The following CSMD1 variants were observed in gnomAD, a reference collection of about 807,000 sequenced individuals.
CSMD1 encodes the protein CUB and Sushi multiple domains 1.
A neutral mutation model predicts 417.5 loss-of-function variants in CSMD1; 213 were observed. The ratio of observed to expected loss-of-function variants is 0.51; its 90% CI spans 0.46 to 0.57. The LOEUF (loss-of-function observed/expected upper bound fraction) is 0.57, where lower values mean the gene tolerates loss of function less well. Ranked by LOEUF, CSMD1 falls within the 20% of genes least tolerant of loss-of-function variation. The pLI is 0.00. For synonymous variants in CSMD1, 2,862 were observed against 1,736.8 expected, an observed-to-expected ratio of 1.65 and a Z score of -16.11; for missense variants, 6,923 against 4,529.7, an observed-to-expected ratio of 1.53 and a Z score of -15.17.
At chr8:3,774,018 G>A (rs1994049) in intron 5 of CSMD1, among the ~76,000 whole-genome samples, 5 of 151,918 alleles carry the variant, frequency 3.3e-5, no homozygotes, top group Non-Finnish European at 7.4e-5. Context: ...CAGTTGCTGC[G>A]CTATCCTACC....
At chr8:3,451,300 A>T (rs1182220056) in intron 12 of CSMD1, among the ~76,000 whole-genome samples, 1 of 152,210 alleles carries the variant, frequency 6.6e-6, no homozygotes, top group Non-Finnish European at 1.5e-5. Context: ...CTTTTGCTGC[A>T]CAGAAGCTCT....
At chr8:3,187,505 C>T (rs542812823) in intron 36 of CSMD1, among the ~76,000 whole-genome samples, 4 of 152,150 alleles carry the variant, frequency 2.6e-5, no homozygotes, top group African/African-American at 9.6e-5. Flanking sequence ...TGTAATTTTC[C>T]CAGATTGCTT....
chr8:3,892,180 C>T (rs987774076), intron 5 of CSMD1, among the ~76,000 whole-genome samples: 22 of 152,136 alleles, frequency 1.4e-4, no homozygotes, highest in African/African-American at 5.1e-4. Flanking sequence ...GGCATTTAGC[C>T]TGCTTCCAAT....
chr8:4,235,273 A>C (rs550159666), intron 3 of CSMD1, among the ~76,000 whole-genome samples: 1 of 152,218 alleles, frequency 6.6e-6, no homozygotes, highest in African/African-American at 2.4e-5. Context: ...GCTACATCAT[A>C]AAACTCACAT....
At chr8:3,546,237 C>T (rs1411303537) in intron 10 of CSMD1, among the ~76,000 whole-genome samples, 1 of 151,458 alleles carries the variant, frequency 6.6e-6, no homozygotes, top group African/African-American at 2.4e-5. Flanking sequence ...ATAGTGCCCT[C>T]AATGGCTGGC....
At chr8:4,723,614 T>C (rs867185443) in intron 1 of CSMD1, among the ~76,000 whole-genome samples, 11 of 151,950 alleles carry the variant, frequency 7.2e-5, no homozygotes, top group African/African-American at 2.7e-4. Flanking sequence ...AAAAAGCAAA[T>C]AATAATTAGC....
intron 1 of CSMD1, among the ~76,000 whole-genome samples, chr8:4,759,816 T>C (rs1449170408): frequency 6.6e-6 from 1 of 152,246 alleles, no homozygotes; most frequent in Non-Finnish European, 1.5e-5. Context: ...GTGTCACTGA[T>C]GGACATTTGG....
At chr8:4,160,845 T>G (rs1248121979) in intron 3 of CSMD1, among the ~76,000 whole-genome samples, 2 of 152,250 alleles carry the variant, frequency 1.3e-5, no homozygotes, top group Non-Finnish European at 2.9e-5. Context: ...ACTTGAAGTT[T>G]CTAATATTTC....
At chr8:3,854,217 A>C (rs1384631928) in intron 5 of CSMD1, among the ~76,000 whole-genome samples, 2 of 150,180 alleles carry the variant, frequency 1.3e-5, no homozygotes, top group East Asian at 1.9e-4. Context: ...GGAACACTTA[A>C]AACATGTGAA....
intron 26 of CSMD1, among the ~76,000 whole-genome samples, chr8:3,261,317 C>G (rs947082231): frequency 6.6e-6 from 1 of 151,998 alleles, no homozygotes; most frequent in African/African-American, 2.4e-5. Flanking sequence ...CAGTTAAAAG[C>G]AAAACATTCA....
chr8:3,817,676 T>C (rs150543114), intron 5 of CSMD1, among the ~76,000 whole-genome samples: 2 of 152,252 alleles, frequency 1.3e-5, no homozygotes, highest in Admixed American at 6.5e-5. Context: ...TCTTCTTTAA[T>C]GGAACTTTCC....
At chr8:4,817,000 A>T (rs538369067) in intron 1 of CSMD1, among the ~76,000 whole-genome samples, 1 of 152,300 alleles carries the variant, frequency 6.6e-6, no homozygotes, top group African/African-American at 2.4e-5. Context: ...CACAGATAAG[A>T]GCAGAGGGCT....
At chr8:3,191,340 C>T (rs1462572666) in intron 33 of CSMD1, among the ~76,000 whole-genome samples, 5 of 152,122 alleles carry the variant, frequency 3.3e-5, no homozygotes, top group African/African-American at 1.2e-4. Context: ...TCTGTAATCC[C>T]AGCTGCTCGG....
chr8:4,334,621 A>C (rs1220011802), intron 3 of CSMD1, among the ~76,000 whole-genome samples: 1 of 152,170 alleles, frequency 6.6e-6, no homozygotes, highest in Non-Finnish European at 1.5e-5. Flanking sequence ...CCTCTGGAGA[A>C]TGCTGACTAA....
intron 3 of CSMD1, among the ~76,000 whole-genome samples, chr8:4,223,526 C>T (rs958899133): frequency 6.6e-6 from 1 of 152,242 alleles, no homozygotes; most frequent in African/African-American, 2.4e-5. Context: ...CACACCACTG[C>T]TCGTTAATAA....
intron 1 of CSMD1, among the ~76,000 whole-genome samples, chr8:4,900,333 C>A (rs1043643704): frequency 1.1e-4 from 17 of 152,168 alleles, no homozygotes; most frequent in Non-Finnish European, 4.4e-5. Context: ...AATAGCTACA[C>A]CATTTGTCAA....
chr8:4,485,287 G>C (rs567528362), intron 2 of CSMD1, among the ~76,000 whole-genome samples: 2 of 152,294 alleles, frequency 1.3e-5, no homozygotes, highest in South Asian at 2.1e-4. Flanking sequence ...TGTCAGCTGA[G>C]AACATTTATC....
chr8:4,375,342 C>T (rs1321106777), intron 3 of CSMD1, among the ~76,000 whole-genome samples: 1 of 152,020 alleles, frequency 6.6e-6, no homozygotes, highest in African/African-American at 2.4e-5. Flanking sequence ...GGAGGGTGAT[C>T]ATCCTATTCA....
At chr8:4,418,633 G>C (rs1240552854) in intron 3 of CSMD1, among the ~76,000 whole-genome samples, 2 of 152,136 alleles carry the variant, frequency 1.3e-5, no homozygotes, top group Non-Finnish European at 2.9e-5. Flanking sequence ...GATTGCTTTA[G>C]AGATGCTTTT....
Sources: allele counts gnomAD v4.1 joint callset (sites outside exome capture counted in the v4.1 genomes callset), GRCh38; gene constraint gnomAD v4.1.1; transcripts MANE v1.5; gene names NCBI Gene and HGNC (gene_info 2026-07-23, HGNC 2026-07-21).